CFAP61: variants seen among roughly 807,000 people sequenced by gnomAD.
CFAP61 encodes the protein cilia- and flagella-associated protein 61.
A neutral mutation model predicts 135.6 loss-of-function variants in CFAP61; 107 were observed. That is an observed-to-expected ratio of 0.79 (90% CI 0.67 to 0.93). CFAP61 has a LOEUF of 0.93. CFAP61 is among the 40% of genes least tolerant of loss of function. CFAP61 has a pLI of 0.00. For synonymous variants in CFAP61, 575 were observed against 578.5 expected, an observed-to-expected ratio of 0.99 and a Z score of 0.09; for missense variants, 1,507 against 1,556.2, an observed-to-expected ratio of 0.97 and a Z score of 0.53.
intron 8 of CFAP61, among the ~76,000 whole-genome samples, chr20:20,141,534 G>A (rs1463161753): frequency 6.6e-6 from 1 of 152,162 alleles, no homozygotes; most frequent in Non-Finnish European, 1.5e-5. Context: ...TGCCAAAAGA[G>A]CTACCTTTCA....
intron 25 of CFAP61, among the ~76,000 whole-genome samples, chr20:20,320,247 G>C (rs995594525): frequency 6.9e-6 from 1 of 144,536 alleles, no homozygotes; most frequent in African/African-American, 2.6e-5. Flanking sequence ...TTGGAAATTT[G>C]AAACCTGGAG....
chr20:20,341,541 G>C (rs377106406), intron 25 of CFAP61, among the ~76,000 whole-genome samples: 1 of 152,180 alleles, frequency 6.6e-6, no homozygotes, highest in African/African-American at 2.4e-5. Flanking sequence ...TGGAGACACC[G>C]TTCTTTACAA....
chr20:20,134,031 A>T (rs1018108229), intron 8 of CFAP61, among the ~76,000 whole-genome samples: 3 of 152,218 alleles, frequency 2.0e-5, no homozygotes, highest in African/African-American at 7.2e-5. Context: ...TTAGGAACAT[A>T]GTCTAGTATG....
chr20:20,120,802 C>T (rs184973375), intron 8 of CFAP61, among the ~76,000 whole-genome samples: 110 of 152,224 alleles, frequency 7.2e-4, no homozygotes, highest in African/African-American at 2.4e-3. Flanking sequence ...TTTGTATACT[C>T]GAATACTCTA....
At chr20:20,071,231 G>T (rs1252273270) in intron 3 of CFAP61, among the ~76,000 whole-genome samples, 1 of 152,178 alleles carries the variant, frequency 6.6e-6, no homozygotes, top group South Asian at 2.1e-4. Context: ...GGCCTGGATC[G>T]TGCTTCACTA....
chr20:20,296,045 CCCTTCCTT>C (rs2055440223), intron 24 of CFAP61, among the ~76,000 whole-genome samples: 1 of 16,678 alleles, frequency 6.0e-5, no homozygotes, highest in African/African-American at 4.4e-4. Flanking sequence ...CTTCCTCCCT[CCCTTCCTT>C]CCCTTCCTTC....
At position 20,142,980 on chromosome 20, in the gene CFAP61, G is replaced by A. The variant is rs7265615; in HGVS notation, c.951+32G>A. The A allele has an allele frequency of 1.2e-5, 17 of 1,374,766 alleles. No individual in the cohort carries two copies. The East Asian group carries it at 2.7e-4, about 22-fold the overall frequency. The allele number at this position is 1,374,766 out of a possible 1,614,324, so 85.2% of individuals were successfully genotyped here. ...GAGACTATCCCTCCATGCCTAGGGT[G>A]GGGGGATGGGCCTGGGGGCTACCTG... On this transcript the variant is annotated intron_variant, in intron 9 of 26. Transcript: ENST00000245957.
chr20:20,336,772 G>A (rs2058206929), intron 25 of CFAP61, among the ~76,000 whole-genome samples: 1 of 152,190 alleles, frequency 6.6e-6, no homozygotes, highest in Non-Finnish European at 1.5e-5. Context: ...GGACAAAGAA[G>A]TGAGGTCAAG....
At chr20:20,176,627 G>C (rs145470582) in intron 13 of CFAP61, among the ~76,000 whole-genome samples, 2 of 152,206 alleles carry the variant, frequency 1.3e-5, no homozygotes, top group South Asian at 4.2e-4. Context: ...AACACCGCAC[G>C]TTCTCACTTA....
intron 13 of CFAP61, chr20:20,172,311 T>C: frequency 2.1e-6 from 2 of 942,420 alleles, no homozygotes; most frequent in Non-Finnish European, 2.5e-6. Flanking sequence ...TTTTTTGTTT[T>C]AATTAATAAA....
intron 17 of CFAP61, among the ~76,000 whole-genome samples, chr20:20,221,493 A>G (rs536563290): frequency 5.3e-5 from 8 of 152,338 alleles, no homozygotes; most frequent in Non-Finnish European, 1.2e-4. Flanking sequence ...AAGAAAAAAA[A>G]TGCAGCCAAT....
At chr20:20,318,662 C>T (rs2057272072) in intron 25 of CFAP61, among the ~76,000 whole-genome samples, 1 of 152,186 alleles carries the variant, frequency 6.6e-6, no homozygotes, top group Admixed American at 6.5e-5. Flanking sequence ...AGAGCACCCT[C>T]TCTTGCCTAG....
At chr20:20,161,225 C>T (rs962393127) in intron 10 of CFAP61, among the ~76,000 whole-genome samples, 1 of 152,124 alleles carries the variant, frequency 6.6e-6, no homozygotes, top group Non-Finnish European at 1.5e-5. Context: ...GGTAGCCGTT[C>T]CGTTATGAAC....
At chr20:20,260,288 C>T (rs143514889) in intron 20 of CFAP61, among the ~76,000 whole-genome samples, 3 of 152,318 alleles carry the variant, frequency 2.0e-5, no homozygotes, top group East Asian at 1.9e-4. Flanking sequence ...ATTTCTTGTA[C>T]TGGCTTCTTC....
At chr20:20,159,657 C>T (rs571275455) in intron 10 of CFAP61, among the ~76,000 whole-genome samples, 2 of 152,312 alleles carry the variant, frequency 1.3e-5, no homozygotes, top group East Asian at 3.9e-4. Flanking sequence ...GTATCCTCTG[C>T]ATGGCCTGGA....
chr20:20,357,912 ACTGAGGGGAG>A lies in CFAP61; in HGVS notation c.3514-2297_3514-2288del, dbSNP rs1602194074. Among the ~76,000 whole-genome samples, 9 of 124,036 alleles carry A rather than the reference ACTGAGGGGAG, an allele frequency of 7.3e-5. No individual in the cohort carries two copies. The East Asian group carries it at 8.1e-4, about 11-fold the overall frequency. 81.4% of individuals were successfully genotyped at this position (124,036 alleles called of 152,430 possible). On this transcript the variant is annotated intron_variant, in intron 26 of 26. Coordinates refer to ENST00000245957, the MANE Select transcript of CFAP61 (RefSeq NM_015585.4). ...TCATAGTGTGAGGGGAGGTGGTCAC[ACTGAGGGGAG>A]GTGGTCACACTGAGGGAAGGTGGTC... is the stretch of plus-strand genomic sequence containing the variant.
intron 1 of CFAP61, chr20:20,056,096 G>T: frequency 1.0e-6 from 1 of 979,586 alleles, no homozygotes; most frequent in Non-Finnish European, 1.6e-6. Flanking sequence ...ACCTCTCAAA[G>T]ATGTTAATGG....
intron 25 of CFAP61, among the ~76,000 whole-genome samples, chr20:20,319,216 T>C (rs1299767548): frequency 6.6e-6 from 1 of 152,200 alleles, no homozygotes; most frequent in African/African-American, 2.4e-5. Context: ...CCTAAAAGCT[T>C]CCAGTGAGTA....
In CFAP61 at chr20:20,277,210, G is replaced by A; in HGVS notation, c.2548G>A (p.Val850Met). ...GAATACAATTGATACTTACACCACC[G>A]TGGAGACGCTCTTAAACCTTGGCGT... ...YGNTIDTYTT[V>M]ETLLNLGVSG... Residue 850 changes from valine to methionine, a missense_variant, in exon 22 of 27, where the codon GTG (valine) becomes ATG (methionine). By Grantham distance (21) the Val-to-Met change is conservative. Coordinates refer to ENST00000245957, the MANE Select transcript of CFAP61 (RefSeq NM_015585.4). 6.2e-7 allele frequency: 1 copy of A among 1,613,454 alleles called. No individual in the cohort carries two copies. Among genetic ancestry groups the A allele is most frequent in the South Asian group, 1.1e-5 (1 of 91,052 alleles).
Sources: allele counts gnomAD v4.1 joint callset (sites outside exome capture counted in the v4.1 genomes callset), GRCh38; gene constraint gnomAD v4.1.1; transcripts MANE v1.5; gene names NCBI Gene and HGNC (gene_info 2026-07-23, HGNC 2026-07-21).